The following HS6ST3 variants were observed in gnomAD, a reference collection of about 807,000 sequenced individuals.
The protein encoded by HS6ST3 is heparan-sulfate 6-O-sulfotransferase 3.
A neutral mutation model predicts 36.7 loss-of-function variants in HS6ST3; 12 were observed. That is an observed-to-expected ratio of 0.33 (90% CI 0.21 to 0.53). The LOEUF (loss-of-function observed/expected upper bound fraction) is 0.53, where lower values mean the gene tolerates loss of function less well. Ranked by LOEUF, HS6ST3 falls within the 20% of genes least tolerant of loss-of-function variation. The pLI, the probability that HS6ST3 is intolerant of heterozygous loss-of-function variation, is 0.95. For synonymous variants in HS6ST3, 240 were observed against 257.5 expected, an observed-to-expected ratio of 0.93 and a Z score of 0.65; for missense variants, 584 against 640.9, an observed-to-expected ratio of 0.91 and a Z score of 0.96.
intron 1 of HS6ST3, among the ~76,000 whole-genome samples, chr13:96,746,750 A>T (rs1002566725): frequency 6.6e-6 from 1 of 152,076 alleles, no homozygotes; most frequent in Non-Finnish European, 1.5e-5. Flanking sequence ...TATCCCCTGG[A>T]ACTCTAATCT....
At chr13:96,778,828 C>G (rs1380067990) in intron 1 of HS6ST3, among the ~76,000 whole-genome samples, 2 of 152,068 alleles carry the variant, frequency 1.3e-5, no homozygotes, top group African/African-American at 4.8e-5. Context: ...GGTATCTACC[C>G]AAAGGATTAT....
chr13:96,466,645 G>A (rs534071130), intron 1 of HS6ST3, among the ~76,000 whole-genome samples: 1 of 152,296 alleles, frequency 6.6e-6, no homozygotes, highest in Admixed American at 6.5e-5. Context: ...GAAAGAGAAC[G>A]AGAAATAAAG....
intron 1 of HS6ST3, among the ~76,000 whole-genome samples, chr13:96,517,798 T>C (rs775941440): frequency 6.6e-6 from 1 of 152,122 alleles, no homozygotes; most frequent in Non-Finnish European, 1.5e-5. Flanking sequence ...TTCTCTTCTT[T>C]GTGTCCATGA....
chr13:96,762,979 C>T (rs1766312409), intron 1 of HS6ST3, among the ~76,000 whole-genome samples: 1 of 152,228 alleles, frequency 6.6e-6, no homozygotes, highest in Non-Finnish European at 1.5e-5. Flanking sequence ...AAAAGAGAGA[C>T]TAGAATCAAG....
intron 1 of HS6ST3, among the ~76,000 whole-genome samples, chr13:96,753,723 C>T (rs536693504): frequency 3.9e-5 from 6 of 152,252 alleles, no homozygotes; most frequent in Non-Finnish European, 7.4e-5. Flanking sequence ...AAGCAAGGAC[C>T]TCTAATGCAA....
chr13:96,625,221 A>T (rs2056508015), intron 1 of HS6ST3, among the ~76,000 whole-genome samples: 1 of 152,148 alleles, frequency 6.6e-6, no homozygotes, highest in East Asian at 1.9e-4. Flanking sequence ...AACTCTCATG[A>T]CACTCGTGGG....
chr13:96,431,355 C>T (rs1216619623), intron 1 of HS6ST3, among the ~76,000 whole-genome samples: 1 of 152,088 alleles, frequency 6.6e-6, no homozygotes, highest in Non-Finnish European at 1.5e-5. Flanking sequence ...TTCCCTCCTC[C>T]AAATCTCATT....
chr13:96,829,562 A>G (rs1878727514), intron 1 of HS6ST3, among the ~76,000 whole-genome samples: 1 of 152,136 alleles, frequency 6.6e-6, no homozygotes, highest in Admixed American at 6.5e-5. Context: ...GCTCCTACTT[A>G]TAAGTGAGAA....
chr13:96,609,862 C>T (rs2056451364), intron 1 of HS6ST3, among the ~76,000 whole-genome samples: 1 of 152,100 alleles, frequency 6.6e-6, no homozygotes, highest in Non-Finnish European at 1.5e-5. Context: ...GGAAAAGGAA[C>T]TAGCAAGGGC....
At chr13:96,732,402 T>C (rs1230076342) in intron 1 of HS6ST3, among the ~76,000 whole-genome samples, 1 of 152,174 alleles carries the variant, frequency 6.6e-6, no homozygotes, top group Non-Finnish European at 1.5e-5. Context: ...GAATATCTAG[T>C]TTCCTTAACA....
intron 1 of HS6ST3, among the ~76,000 whole-genome samples, chr13:96,183,719 A>T (rs1372946203): frequency 6.6e-6 from 1 of 152,216 alleles, no homozygotes; most frequent in Non-Finnish European, 1.5e-5. Flanking sequence ...AGGTACCTGG[A>T]ATAGTCAAAT....
chr13:96,427,831 G>T (rs1168788126), intron 1 of HS6ST3, among the ~76,000 whole-genome samples: 2 of 152,018 alleles, frequency 1.3e-5, no homozygotes, highest in Non-Finnish European at 2.9e-5. Flanking sequence ...GGCAATTCTT[G>T]GACTTGTCTT....
intron 1 of HS6ST3, among the ~76,000 whole-genome samples, chr13:96,116,622 G>C (rs1390800317): frequency 6.6e-6 from 1 of 152,180 alleles, no homozygotes; most frequent in African/African-American, 2.4e-5. Context: ...GTGGTGTCTG[G>C]CATGCAGAAG....
intron 1 of HS6ST3, among the ~76,000 whole-genome samples, chr13:96,210,581 T>C (rs1164352283): frequency 6.6e-6 from 1 of 151,050 alleles, no homozygotes; most frequent in Non-Finnish European, 1.5e-5. Context: ...TTATCATTTC[T>C]TTCTTTTTTT....
At chr13:96,712,666 A>G (rs1473803222) in intron 1 of HS6ST3, among the ~76,000 whole-genome samples, 1 of 152,170 alleles carries the variant, frequency 6.6e-6, no homozygotes, top group African/African-American at 2.4e-5. Flanking sequence ...TCATATGTCG[A>G]TAGGCAACTG....
At chr13:96,153,988 C>G (rs1261942753) in intron 1 of HS6ST3, among the ~76,000 whole-genome samples, 2 of 152,154 alleles carry the variant, frequency 1.3e-5, no homozygotes, top group African/African-American at 4.8e-5. Context: ...GTTAGCCATT[C>G]CAGACCCACG....
At chr13:96,282,483 C>A (rs1467679414) in intron 1 of HS6ST3, among the ~76,000 whole-genome samples, 1 of 152,114 alleles carries the variant, frequency 6.6e-6, no homozygotes, top group African/African-American at 2.4e-5. Context: ...ACTCAGTAAC[C>A]AATGAGGAAC....
At position 96,211,694 on chromosome 13, in the gene HS6ST3, A is replaced by G. The variant is rs377295273; in HGVS notation, c.707+120125A>G. On this transcript the variant is annotated intron_variant, in intron 1 of 1. Transcript: ENST00000376705. ...AAAAAAAGACAATAAAGAGGATGCT[A>G]TTCTCTCATGGAAGTATGGCACCAT... Among the ~76,000 whole-genome samples the G allele has an allele frequency of 5.9e-5, 9 of 152,258 alleles. No homozygotes were observed. In the South Asian group the frequency reaches 1.9e-3, roughly 32 times the overall value.
At chr13:96,765,367 C>T (rs146285208) in intron 1 of HS6ST3, among the ~76,000 whole-genome samples, 2 of 152,264 alleles carry the variant, frequency 1.3e-5, no homozygotes, top group African/African-American at 4.8e-5. Context: ...CCACCGCACC[C>T]GGCCACACTT....
Sources: allele counts gnomAD v4.1 joint callset (sites outside exome capture counted in the v4.1 genomes callset), GRCh38; gene constraint gnomAD v4.1.1; transcripts MANE v1.5; gene names NCBI Gene and HGNC (gene_info 2026-07-23, HGNC 2026-07-21).